The following SEPTIN9 variants were observed in gnomAD, a reference collection of about 807,000 sequenced individuals.
The protein encoded by SEPTIN9 is septin 9, also known as septin-9.
In SEPTIN9, 13 loss-of-function variants were observed where a neutral mutation model predicts 56.6. The observed-to-expected ratio is 0.23, with a 90% confidence interval of 0.15 to 0.37. SEPTIN9 has a LOEUF of 0.37. Ranked by LOEUF, SEPTIN9 falls within the 10% of genes least tolerant of loss-of-function variation. SEPTIN9 has a pLI of 1.00. For synonymous variants in SEPTIN9, 332 were observed against 334.1 expected (o/e 0.99, Z 0.07); for missense variants, 650 against 823.1 (o/e 0.79, Z 2.57).
In SEPTIN9 at chr17:77,475,932, G is replaced by A. The variant is rs758565020; in HGVS notation, c.722-6212G>A. 7.5e-6 allele frequency: 12 copies of A among 1,589,852 alleles called. No individual in the cohort carries two copies. Among genetic ancestry groups the A allele is most frequent in the South Asian group, 3.4e-5 (3 of 87,984 alleles). The stretch of plus-strand genomic sequence containing the variant: ...TGTGGGGATGTGGCCATTTCGGTCC[G>A]TGCTCTGAGAGCCAGGTGTGGGTTG... On this transcript the variant is annotated intron_variant, in intron 3 of 11. Coordinates refer to ENST00000427177, the MANE Select transcript of SEPTIN9 (RefSeq NM_001113491.2). This position sits in a 1 kb window ranked among gnomAD's most constrained non-coding sequence, Gnocchi z 4.6.
chr17:77,307,038 C>T (rs2143593953), intron 1 of SEPTIN9, 103 bp from the exon 2 acceptor site: 1 of 1,133,686 alleles, frequency 8.8e-7, no homozygotes, highest in Non-Finnish European at 1.3e-6. Flanking sequence ...CTCTGGAACT[C>T]ACAGCAGGAG....
At chr17:77,339,317 T>G (rs1216501841) in intron 2 of SEPTIN9, among the ~76,000 whole-genome samples, 1 of 152,218 alleles carries the variant, frequency 6.6e-6, no homozygotes. Context: ...ATAAAATATA[T>G]TTCTTAAATA....
At position 77,451,260 on chromosome 17, in the gene SEPTIN9, T is replaced by C; in HGVS notation, c.722-30884T>C. 1 of 603,880 alleles carries C rather than the reference T, an allele frequency of 1.7e-6. No individual in the cohort carries two copies. Among genetic ancestry groups the C allele is most frequent in the Non-Finnish European group, 2.1e-6 (1 of 481,086 alleles). 37.4% of individuals were successfully genotyped at this position (603,880 alleles called of 1,614,324 possible). A position where few individuals can be genotyped will look rare whatever the true frequency, so the allele number is the denominator to read the frequency against. ...GTCCCTCCCGTGCCTTCAGGTTGCTTCTGCGCCGGGCCTGCCGCTGGGCGC... is the reference window on the plus strand; with the variant it reads ...GTCCCTCCCGTGCCTTCAGGTTGCTCCTGCGCCGGGCCTGCCGCTGGGCGC... On this transcript the variant is annotated intron_variant, in intron 3 of 11. Coordinates refer to ENST00000427177, the MANE Select transcript of SEPTIN9 (RefSeq NM_001113491.2). The surrounding 1 kb of genome is among the most constrained non-coding windows in gnomAD (Gnocchi z 4.2).
rs377560903 is a variant in SEPTIN9 at position 77,327,820 on chromosome 17, T to C, written c.76+20623T>C. ...GAAATCAGCGAAGAGGCACTGGCTC[T>C]GAAACTTTGCCATGAAAGCTTGAAA... is the stretch of plus-strand genomic sequence containing the variant. On this transcript the variant is annotated intron_variant, in intron 2 of 11. Coordinates refer to ENST00000427177, the MANE Select transcript of SEPTIN9 (RefSeq NM_001113491.2). This position sits in a 1 kb window ranked among gnomAD's most constrained non-coding sequence, Gnocchi z 5.0. Among the ~76,000 whole-genome samples, 11 of 152,228 alleles carry C rather than the reference T, an allele frequency of 7.2e-5. No homozygotes were observed. The highest frequency in any genetic ancestry group is 2.7e-4 in the African/African-American group (11 of 41,448).
At chr17:77,482,711 GCACCC>G (rs2039508829) in intron 4 of SEPTIN9, 1 of 584,830 alleles carries the variant, frequency 1.7e-6, no homozygotes, top group African/African-American at 2.0e-5. Flanking sequence ...GCTCCCCACC[GCACCC>G]CACCGCACCC....
intron 2 of SEPTIN9, among the ~76,000 whole-genome samples, chr17:77,368,787 A>G (rs1309026595): frequency 2.0e-5 from 3 of 152,266 alleles, no homozygotes; most frequent in Non-Finnish European, 4.4e-5. Context: ...GATAATAAAT[A>G]CACAACTTTC....
intron 2 of SEPTIN9, among the ~76,000 whole-genome samples, chr17:77,334,790 C>A (rs1257735424): frequency 1.3e-5 from 2 of 152,058 alleles, no homozygotes; most frequent in East Asian, 3.9e-4. Context: ...GTTGTATGAT[C>A]CATTTTAAAT....
chr17:77,372,471 G>T (rs2034750631), intron 2 of SEPTIN9, among the ~76,000 whole-genome samples: 1 of 152,190 alleles, frequency 6.6e-6, no homozygotes, highest in East Asian at 1.9e-4. Flanking sequence ...AGAAGGGAGG[G>T]AGAAGCCCTT....
intron 2 of SEPTIN9, among the ~76,000 whole-genome samples, chr17:77,308,623 G>A (rs1252442928): frequency 6.6e-6 from 1 of 152,172 alleles, no homozygotes; most frequent in Non-Finnish European, 1.5e-5. Context: ...ATATCTACGT[G>A]TGGCTAGTGG....
intron 2 of SEPTIN9, chr17:77,374,873 G>A (rs899521996): frequency 3.9e-5 from 6 of 152,360 alleles, no homozygotes; most frequent in African/African-American, 1.4e-4. Flanking sequence ...GGAGGGGGTT[G>A]TGATCCAGTG....
At position 77,324,057 on chromosome 17, in the gene SEPTIN9, G is replaced by A. The variant is rs567975053; in HGVS notation, c.76+16860G>A. ...CTTCTCGCCTCTGGCAGCTTCTGGCGGCTCCCGAAACCCTTGGCGTTCCTT... is the reference window on the plus strand; with the variant it reads ...CTTCTCGCCTCTGGCAGCTTCTGGCAGCTCCCGAAACCCTTGGCGTTCCTT... On this transcript the variant is annotated intron_variant, in intron 2 of 11. Transcript: ENST00000427177. Among the ~76,000 whole-genome samples, 10 of 152,312 alleles carry A rather than the reference G, an allele frequency of 6.6e-5. No individual in the cohort carries two copies. The East Asian group carries it at 1.5e-3, about 24-fold the overall frequency.
chr17:77,415,353 T>TC (rs981248188), intron 3 of SEPTIN9, among the ~76,000 whole-genome samples: 92 of 151,998 alleles, frequency 6.1e-4, no homozygotes, highest in African/African-American at 2.2e-3. Context: ...ACACCTGTAA[T>TC]CCCAGCACTT....
intron 2 of SEPTIN9, among the ~76,000 whole-genome samples, chr17:77,308,981 G>A (rs117351674): frequency 0.014 from 2,106 of 152,350 alleles, 23 homozygotes; most frequent in Non-Finnish European, 0.022. Flanking sequence ...GTTAAGAGGG[G>A]CTCCGCCCAT....
chr17:77,428,266 CCTGGCAGGCCCAG>C (rs1201619648), intron 3 of SEPTIN9, among the ~76,000 whole-genome samples: 1 of 152,218 alleles, frequency 6.6e-6, no homozygotes, highest in East Asian at 1.9e-4. Flanking sequence ...GGGACGGTGG[CCTGGCAGGCCCAG>C]CTGACACAGT....
At chr17:77,360,630 T>C (rs1279887296) in intron 2 of SEPTIN9, among the ~76,000 whole-genome samples, 1 of 151,932 alleles carries the variant, frequency 6.6e-6, no homozygotes, top group Non-Finnish European at 1.5e-5. Flanking sequence ...AGTGATGCGA[T>C]CTCCGCTCAC....
chr17:77,337,839 G>T (rs745599732), intron 2 of SEPTIN9, among the ~76,000 whole-genome samples: 1 of 152,094 alleles, frequency 6.6e-6, no homozygotes, highest in African/African-American at 2.4e-5. Flanking sequence ...CCAGACCTCG[G>T]CAATAAAGCA....
chr17:77,405,766 T>A lies in SEPTIN9; in HGVS notation c.721+3063T>A, dbSNP rs1432848174. ...CTTGCTTCTCCGTCCTCCCTCTCTG[T>A]GTCACGACCGTTCTGGACACGGATC... On this transcript the variant is annotated intron_variant, in intron 3 of 11. Transcript: ENST00000427177. This position sits in a 1 kb window ranked among gnomAD's most constrained non-coding sequence, Gnocchi z 5.8. 2.6e-5 allele frequency among the ~76,000 whole-genome samples: 4 copies of A among 152,138 alleles called. No homozygotes were observed. Among genetic ancestry groups the A allele is most frequent in the South Asian group, 4.1e-4 (2 of 4,828 alleles).
chr17:77,349,190 C>G (rs567652061), intron 2 of SEPTIN9, among the ~76,000 whole-genome samples: 7 of 152,288 alleles, frequency 4.6e-5, no homozygotes, highest in Admixed American at 2.0e-4. Context: ...CCAATCTCAA[C>G]TCACCAACCT....
rs1598392725 is a variant in SEPTIN9 at position 77,449,424 on chromosome 17, G to A, written c.722-32720G>A. Among the ~76,000 whole-genome samples the A allele has an allele frequency of 6.6e-6, 1 of 152,230 alleles. No individual in the cohort carries two copies. Among genetic ancestry groups the A allele is most frequent in the African/African-American group, 2.4e-5 (1 of 41,452 alleles). ...CTCAGGAATCCAGAGGCAGAGGAGG[G>A]GAGGAGGCTGGGCTTGGAGGAGAGC... On this transcript the variant is annotated intron_variant, in intron 3 of 11. Coordinates refer to ENST00000427177, the MANE Select transcript of SEPTIN9 (RefSeq NM_001113491.2). The surrounding 1 kb of genome is among the most constrained non-coding windows in gnomAD (Gnocchi z 4.6).
Sources: gnomAD v4.1 joint callset for allele counts (sites outside exome capture counted in the v4.1 genomes callset) on GRCh38, gnomAD v4.1.1 for gene constraint, Gnocchi (gnomAD v3.1) non-coding constraint, MANE v1.5 for transcripts, NCBI Gene and HGNC (gene_info 2026-07-23, HGNC 2026-07-21) for gene names.